ARSB: variants seen among roughly 807,000 people sequenced by gnomAD.
ARSB encodes arylsulfatase B, also known as N-acetylgalactosamine-4-sulfatase.
In ARSB, 41 loss-of-function variants were observed where a neutral mutation model predicts 50.9. The observed-to-expected ratio is 0.81, with a 90% CI of 0.63 to 1.04. The LOEUF (loss-of-function observed/expected upper bound fraction) is 1.04. Among genes scored for constraint, ARSB ranks in the 50% least tolerant of loss-of-function variants. ARSB has a pLI of 0.00. For missense variants in ARSB, 672 were observed against 693.3 expected (o/e 0.97, Z 0.35); for synonymous variants, 269 against 284.8 (o/e 0.94, Z 0.56).
At chr5:78,847,249 TC>T (rs1368286221) in intron 5 of ARSB, among the ~76,000 whole-genome samples, 2 of 152,126 alleles carry the variant, frequency 1.3e-5, no homozygotes, top group Non-Finnish European at 1.5e-5. Context: ...CACCTCAGCC[TC>T]CCTAGTACCT....
chr5:78,979,181 G>T (rs1384917036), intron 1 of ARSB, among the ~76,000 whole-genome samples: 1 of 152,030 alleles, frequency 6.6e-6, no homozygotes, highest in Non-Finnish European at 1.5e-5. Context: ...AAGGATCTGA[G>T]TAAACATTTC....
At chr5:78,964,629 T>C in intron 2 of ARSB, 23 bp from the exon 3 acceptor site, 1 of 1,604,282 alleles carries the variant, frequency 6.2e-7, no homozygotes, top group Non-Finnish European at 8.5e-7. Flanking sequence ...AAGACGAAAA[T>C]AGTCAGCATA....
rs1287369367 is a variant in ARSB at position 78,982,036 on chromosome 5, G to A, written c.312+2901C>T. 2.6e-5 allele frequency among the ~76,000 whole-genome samples: 2 copies of A among 77,152 alleles called. 1 individual carries two copies. The highest frequency in any genetic ancestry group is 8.7e-5 in the African/African-American group (2 of 23,092). 50.6% of individuals were successfully genotyped at this position (77,152 alleles called of 152,430 possible). On this transcript the variant is annotated intron_variant, in intron 1 of 7. Coordinates refer to ENST00000264914, the MANE Select transcript of ARSB (RefSeq NM_000046.5). Reference sequence around the variant, plus strand: ...CTTCCCGGGTTCACGCCATTCTCCTGCCTCAGCCTCCCGAGTAGCTGGGAC... The same window carrying A: ...CTTCCCGGGTTCACGCCATTCTCCTACCTCAGCCTCCCGAGTAGCTGGGAC...
chr5:78,816,168 G>A (rs1743982896), intron 6 of ARSB: 24 of 1,613,848 alleles, frequency 1.5e-5, no homozygotes, highest in East Asian at 8.9e-5. Context: ...CTCAGGGTAC[G>A]GTTGTATCAG....
Position 78,779,840 on chromosome 5 carries a change from C to T in ARSB, c.*557G>A, listed in dbSNP as rs1250838186. 4 of 156,622 alleles carry T rather than the reference C, an allele frequency of 2.6e-5. No homozygotes were observed. Among genetic ancestry groups the T allele is most frequent in the Admixed American group, 6.2e-5 (1 of 16,086 alleles). The allele number at this position is 156,622 out of a possible 1,614,324, so 9.7% of individuals were successfully genotyped here. On this transcript the variant is annotated 3_prime_UTR_variant, in exon 8 of 8. Transcript: ENST00000264914. ...CATGGTGCAGGCATTTTGCTGTTGACCTGAACAACAAAATGGGCCTTATGC... is the reference window on the plus strand; with the variant it reads ...CATGGTGCAGGCATTTTGCTGTTGATCTGAACAACAAAATGGGCCTTATGC...
At chr5:78,924,378 C>A (rs1053532799) in intron 4 of ARSB, among the ~76,000 whole-genome samples, 2 of 152,200 alleles carry the variant, frequency 1.3e-5, no homozygotes, top group African/African-American at 4.8e-5. Flanking sequence ...CCGATTTAAT[C>A]ATTGTGCTAC....
chr5:78,904,340 T>C (rs1179382070), intron 4 of ARSB, among the ~76,000 whole-genome samples: 2 of 152,204 alleles, frequency 1.3e-5, no homozygotes, highest in Non-Finnish European at 2.9e-5. Flanking sequence ...TCATTCAATT[T>C]CATTCAATCC....
intron 6 of ARSB, among the ~76,000 whole-genome samples, chr5:78,803,722 C>T (rs574148350): frequency 6.6e-6 from 1 of 152,374 alleles, no homozygotes; most frequent in Admixed American, 6.5e-5. Flanking sequence ...TGCAGAGCTA[C>T]AAATGATGCA....
intron 4 of ARSB, among the ~76,000 whole-genome samples, chr5:78,923,963 C>T (rs927934979): frequency 6.6e-6 from 1 of 152,120 alleles, no homozygotes; most frequent in African/African-American, 2.4e-5. Flanking sequence ...CCTCCTTTTC[C>T]AGGGGGTGCT....
chr5:78,826,009 T>C (rs1272756428), intron 6 of ARSB, among the ~76,000 whole-genome samples: 1 of 152,112 alleles, frequency 6.6e-6, no homozygotes, highest in Non-Finnish European at 1.5e-5. Context: ...ATAGATCTTT[T>C]TTAAAGGTTA....
intron 6 of ARSB, among the ~76,000 whole-genome samples, chr5:78,827,349 C>T (rs1353689183): frequency 6.6e-6 from 1 of 152,142 alleles, no homozygotes; most frequent in Non-Finnish European, 1.5e-5. Flanking sequence ...ACTGGGACTA[C>T]AGGTGTGTGC....
intron 4 of ARSB, among the ~76,000 whole-genome samples, chr5:78,887,388 A>G (rs1438375861): frequency 1.3e-5 from 2 of 152,180 alleles, no homozygotes; most frequent in Non-Finnish European, 2.9e-5. Context: ...GGGAGACAGC[A>G]TTGATCTATT....
chr5:78,876,589 T>C (rs1203703560), intron 5 of ARSB, among the ~76,000 whole-genome samples: 1 of 152,192 alleles, frequency 6.6e-6, no homozygotes, highest in Non-Finnish European at 1.5e-5. Context: ...GCAACTGAAA[T>C]GTAGTCCAAT....
Position 78,780,649 on chromosome 5 carries a change from C to A in ARSB, c.1350G>T (p.Trp450Cys), listed in dbSNP as rs555785323. Reference sequence around the variant, plus strand: ...CATTGTATTGAGACGGTGGAGGGAACCAGTAACCACAGCCTAGCAAAGAAA... The same window carrying A: ...CATTGTATTGAGACGGTGGAGGGAAACAGTAACCACAGCCTAGCAAAGAAA... ...LLTGYPGCGYWFPPPSQYNVS... is the reference protein window; with the variant it reads ...LLTGYPGCGYCFPPPSQYNVS... Residue 450 changes from tryptophan (W) to cysteine (C), a missense_variant, in exon 8 of 8, where the codon TGG (tryptophan) becomes TGT (cysteine). Coordinates refer to ENST00000264914, the MANE Select transcript of ARSB (RefSeq NM_000046.5). 6.2e-7 allele frequency: 1 copy of A among 1,613,858 alleles called. No homozygotes were observed. The highest frequency in any genetic ancestry group is 2.2e-5 in the East Asian group (1 of 44,894).
chr5:78,870,920 T>C (rs139952978), intron 5 of ARSB, among the ~76,000 whole-genome samples: 8,307 of 152,152 alleles, frequency 0.055, 515 homozygotes, highest in African/African-American at 0.15. Context: ...AAAACCCCAT[T>C]GTCTCAGCCC....
intron 6 of ARSB, among the ~76,000 whole-genome samples, chr5:78,834,213 A>G (rs1744827440): frequency 6.6e-6 from 1 of 152,192 alleles, no homozygotes; most frequent in South Asian, 2.1e-4. Flanking sequence ...TCAGTTTTGG[A>G]AGGAGGGAAA....
rs78080108 is a variant in ARSB, at chr5:78,815,534, G to A, written c.1213+23822C>T. The A allele has an allele frequency of 2.1e-3, 2,063 of 986,640 alleles. 139 individuals are homozygous for A. The African/African-American group carries it at 0.034, about 16-fold the overall frequency. The allele number at this position is 986,640 out of a possible 1,614,324, so 61.1% of individuals were successfully genotyped here. ...CCTGTGAAACTGTATGTGGCAGCCT[G>A]TCAAAAAAGGTGGAGGAAAGCATCT... is the stretch of plus-strand genomic sequence containing the variant. On this transcript the variant is annotated intron_variant, in intron 6 of 7. Transcript: ENST00000264914.
intron 5 of ARSB, among the ~76,000 whole-genome samples, chr5:78,841,043 C>T (rs1450197619): frequency 6.6e-6 from 1 of 151,886 alleles, no homozygotes; most frequent in African/African-American, 2.4e-5. Context: ...GCCTATAATC[C>T]CAGCACTTTG....
At chr5:78,796,417 C>G (rs949956155) in intron 6 of ARSB, among the ~76,000 whole-genome samples, 1 of 152,296 alleles carries the variant, frequency 6.6e-6, no homozygotes, top group African/African-American at 2.4e-5. Flanking sequence ...AAAGACATAC[C>G]AATTCCCCAG....
Sources: gnomAD v4.1 joint callset for allele counts (sites outside exome capture counted in the v4.1 genomes callset) on GRCh38, gnomAD v4.1.1 for gene constraint, MANE v1.5 for transcripts, NCBI Gene and HGNC (gene_info 2026-07-23, HGNC 2026-07-21) for gene names.